SPATA16: variants seen among roughly 807,000 people sequenced by gnomAD.
SPATA16 encodes the protein spermatogenesis-associated protein 16.
Under a neutral mutation model 63.3 loss-of-function variants are expected in SPATA16, and 36 were observed. The observed-to-expected ratio is 0.57, with a 90% CI of 0.44 to 0.75. SPATA16 has a LOEUF of 0.75. Among genes scored for constraint, SPATA16 ranks in the 30% least tolerant of loss-of-function variants. The pLI is 0.00. For missense variants in SPATA16, 646 were observed against 679.3 expected (o/e 0.95, Z 0.54); for synonymous variants, 203 against 216.7 (o/e 0.94, Z 0.56).
At chr3:173,068,892 C>T (rs1465232398) in intron 2 of SPATA16, among the ~76,000 whole-genome samples, 2 of 150,268 alleles carry the variant, frequency 1.3e-5, no homozygotes, top group African/African-American at 4.9e-5. Flanking sequence ...GGGCGGATCA[C>T]GAGGTCAGGA....
chr3:172,913,045 A>T (rs1732405813), intron 10 of SPATA16, among the ~76,000 whole-genome samples: 1 of 152,190 alleles, frequency 6.6e-6, no homozygotes, highest in South Asian at 2.1e-4. Context: ...GAGTTGATTG[A>T]TCAGAACTTA....
At chr3:172,989,608 A>G (rs1267325074) in intron 4 of SPATA16, among the ~76,000 whole-genome samples, 1 of 152,158 alleles carries the variant, frequency 6.6e-6, no homozygotes, top group East Asian at 1.9e-4. Context: ...TACAATGCGG[A>G]TAATAATAGT....
At chr3:173,013,564 G>C (rs1216282692) in intron 4 of SPATA16, among the ~76,000 whole-genome samples, 1 of 152,228 alleles carries the variant, frequency 6.6e-6, no homozygotes, top group Non-Finnish European at 1.5e-5. Context: ...TGGCCTGAAA[G>C]CAGGGATACA....
At chr3:173,119,897 G>A (rs1738011793) in intron 1 of SPATA16, among the ~76,000 whole-genome samples, 1 of 152,138 alleles carries the variant, frequency 6.6e-6, no homozygotes, top group Non-Finnish European at 1.5e-5. Flanking sequence ...AAACCAGCCT[G>A]ACCAACATGG....
At chr3:173,015,626 TG>T (rs1735164782) in intron 4 of SPATA16, among the ~76,000 whole-genome samples, 1 of 152,202 alleles carries the variant, frequency 6.6e-6, no homozygotes, top group African/African-American at 2.4e-5. Flanking sequence ...TATAGCTGAA[TG>T]GTTATCAACC....
chr3:173,044,913 G>C (rs767971988), intron 3 of SPATA16, among the ~76,000 whole-genome samples: 7 of 152,018 alleles, frequency 4.6e-5, no homozygotes, highest in Non-Finnish European at 1.0e-4. Flanking sequence ...GGTAGGTCAT[G>C]GTCCTTACTA....
At chr3:172,903,679 G>A (rs972693684) in intron 10 of SPATA16, among the ~76,000 whole-genome samples, 7 of 152,318 alleles carry the variant, frequency 4.6e-5, no homozygotes, top group Non-Finnish European at 8.8e-5. Context: ...AAGTTCTGAA[G>A]TTGCAGAAAG....
intron 10 of SPATA16, among the ~76,000 whole-genome samples, chr3:172,896,547 G>T (rs554298087): frequency 6.6e-6 from 1 of 152,172 alleles, no homozygotes; most frequent in Admixed American, 6.5e-5. Context: ...CACAGTGGTT[G>T]TACCATTTTA....
At chr3:173,080,998 T>C (rs1408919605) in intron 2 of SPATA16, among the ~76,000 whole-genome samples, 1 of 152,146 alleles carries the variant, frequency 6.6e-6, no homozygotes. Context: ...TTGTAAAATT[T>C]GAAAGAGAAT....
At chr3:173,120,323 T>C (rs193028011) in intron 1 of SPATA16, among the ~76,000 whole-genome samples, 2 of 152,316 alleles carry the variant, frequency 1.3e-5, no homozygotes, top group East Asian at 3.9e-4. Flanking sequence ...TATGCATCTA[T>C]ATCGTTAAGT....
At chr3:173,022,941 G>A (rs1002817734) in intron 3 of SPATA16, among the ~76,000 whole-genome samples, 1 of 152,054 alleles carries the variant, frequency 6.6e-6, no homozygotes, top group African/African-American at 2.4e-5. Context: ...AATGGGCAAT[G>A]ATTGCCTACT....
intron 4 of SPATA16, among the ~76,000 whole-genome samples, chr3:173,012,903 T>C (rs1237375675): frequency 6.6e-6 from 1 of 151,790 alleles, no homozygotes; most frequent in African/African-American, 2.4e-5. Context: ...CCTCAAAACA[T>C]AATAATTGAC....
chr3:172,999,874 A>C (rs1361054507), intron 4 of SPATA16, among the ~76,000 whole-genome samples: 1 of 152,148 alleles, frequency 6.6e-6, no homozygotes, highest in African/African-American at 2.4e-5. Flanking sequence ...GATTTTCTCT[A>C]TTCATATCTT....
At chr3:173,097,925 G>T (rs1449978619) in intron 2 of SPATA16, among the ~76,000 whole-genome samples, 4 of 152,142 alleles carry the variant, frequency 2.6e-5, no homozygotes, top group East Asian at 1.9e-4. Flanking sequence ...AAGCACAAGG[G>T]CATAAAACAT....
intron 2 of SPATA16, among the ~76,000 whole-genome samples, chr3:173,110,927 A>G (rs1223355483): frequency 3.9e-5 from 6 of 152,194 alleles, no homozygotes; most frequent in Admixed American, 3.9e-4. Context: ...TCATTTGGGA[A>G]CTTATTTGAA....
intron 6 of SPATA16, among the ~76,000 whole-genome samples, chr3:172,937,365 T>C (rs911394740): frequency 6.6e-6 from 1 of 152,180 alleles, no homozygotes; most frequent in Non-Finnish European, 1.5e-5. Flanking sequence ...TAGCGGTGAA[T>C]CTGATTCCCA....
At chr3:172,976,132 T>A (rs925167124) in intron 5 of SPATA16, among the ~76,000 whole-genome samples, 21 of 152,124 alleles carry the variant, frequency 1.4e-4, no homozygotes, top group African/African-American at 5.1e-4. Flanking sequence ...TTGTAGTTGA[T>A]TTTCACATAT....
chr3:173,019,682 T>A (rs1735275059), intron 3 of SPATA16, 107 bp from the exon 4 acceptor site: 2 of 1,030,204 alleles, frequency 1.9e-6, no homozygotes, highest in Non-Finnish European at 3.0e-6. Context: ...TACTATGTGT[T>A]TTTAAAGATA....
intron 2 of SPATA16, among the ~76,000 whole-genome samples, chr3:173,054,751 T>C (rs949522398): frequency 6.6e-6 from 1 of 152,082 alleles, no homozygotes; most frequent in Middle Eastern, 3.2e-3. Flanking sequence ...TCCTTTTTTT[T>C]TAAGAATAAA....
Sources: allele counts gnomAD v4.1 joint callset (sites outside exome capture counted in the v4.1 genomes callset), GRCh38; gene constraint gnomAD v4.1.1; transcripts MANE v1.5; gene names NCBI Gene and HGNC (gene_info 2026-07-23, HGNC 2026-07-21).